Variants in CEP128 observed in about 807,000 individuals in gnomAD.
CEP128 encodes the protein centrosomal protein 128.
CEP128 carries 132 observed loss-of-function variants against 156.7 expected under a neutral mutation model. That is an observed-to-expected ratio of 0.84 (90% CI 0.73 to 0.97). The LOEUF is 0.97. Among genes scored for constraint, CEP128 ranks in the 50% least tolerant of loss-of-function variants. The pLI is 0.00. For synonymous variants in CEP128, 469 were observed against 448.9 expected (o/e 1.04, Z -0.57); for missense variants, 1,252 against 1,281.9 (o/e 0.98, Z 0.36).
Position 80,886,118 on chromosome 14 carries a change from T to C in CEP128, c.645+9600A>G, listed in dbSNP as rs1888786044. 1.3e-5 allele frequency among the ~76,000 whole-genome samples: 2 copies of C among 152,056 alleles called. 1 individual carries two copies. Among genetic ancestry groups the C allele is most frequent in the South Asian group, 4.2e-4 (2 of 4,818 alleles). On this transcript the variant is annotated intron_variant, in intron 8 of 24. Transcript: ENST00000555265. ...AGGAACAAACAAAGCCTCCAAGGAATATGGGACTATGTGAAAAGACCAAAC... is the reference window on the plus strand; with the variant it reads ...AGGAACAAACAAAGCCTCCAAGGAACATGGGACTATGTGAAAAGACCAAAC...
intron 14 of CEP128, among the ~76,000 whole-genome samples, chr14:80,479,660 C>T (rs1324848174): frequency 6.6e-6 from 1 of 152,156 alleles, no homozygotes; most frequent in Non-Finnish European, 1.5e-5. Flanking sequence ...CAAACCGTAT[C>T]ATTCTGCCCC....
chr14:80,584,000 T>A (rs555667037), intron 19 of CEP128, among the ~76,000 whole-genome samples: 38 of 152,320 alleles, frequency 2.5e-4, no homozygotes, highest in African/African-American at 9.1e-4. Context: ...CCTATCATCC[T>A]GCTCTGTCTA....
intron 8 of CEP128, among the ~76,000 whole-genome samples, chr14:80,886,849 G>T (rs554899812): frequency 6.6e-6 from 1 of 152,294 alleles, no homozygotes; most frequent in African/African-American, 2.4e-5. Flanking sequence ...TGGAAAAAGA[G>T]TCAAGACCCA....
chr14:80,580,484 A>G, intron 19 of CEP128, 61 bp from the exon 20 acceptor site: 3 of 843,838 alleles, frequency 3.6e-6, no homozygotes, highest in African/African-American at 1.7e-5. Flanking sequence ...GCCTCTTATC[A>G]TCAAATGCAA....
chr14:80,550,429 T>C (rs1470957230), intron 21 of CEP128, among the ~76,000 whole-genome samples: 1 of 152,072 alleles, frequency 6.6e-6, no homozygotes, highest in East Asian at 1.9e-4. Flanking sequence ...TTGTAAAGAA[T>C]GACATTTTCA....
intron 22 of CEP128, among the ~76,000 whole-genome samples, chr14:80,528,797 G>A (rs553079691): frequency 6.6e-6 from 1 of 152,104 alleles, no homozygotes; most frequent in African/African-American, 2.4e-5. Context: ...ATTTTTGTCT[G>A]GTGCATGACT....
intron 14 of CEP128, among the ~76,000 whole-genome samples, chr14:80,483,646 T>C (rs1012642696): frequency 1.3e-5 from 2 of 152,340 alleles, no homozygotes; most frequent in Middle Eastern, 3.4e-3. Context: ...TAAGGAAAGA[T>C]GGTTGAGAGT....
At chr14:80,788,580 GT>G (rs1273689570) in intron 14 of CEP128, among the ~76,000 whole-genome samples, 1 of 151,972 alleles carries the variant, frequency 6.6e-6, no homozygotes, top group Non-Finnish European at 1.5e-5. Context: ...ACATCCTAAA[GT>G]TTTCCTACCA....
At chr14:80,855,836 C>T (rs970686642) in intron 9 of CEP128, among the ~76,000 whole-genome samples, 6 of 152,208 alleles carry the variant, frequency 3.9e-5, no homozygotes, top group Non-Finnish European at 5.9e-5. Context: ...TCAAGGGAGA[C>T]GCAAAAGCTA....
At chr14:80,740,150 C>T (rs1566887741) in intron 19 of CEP128, among the ~76,000 whole-genome samples, 1 of 151,940 alleles carries the variant, frequency 6.6e-6, no homozygotes, top group East Asian at 1.9e-4. Context: ...AACTGTGCTC[C>T]TTTAGTGTTC....
intron 20 of CEP128, among the ~76,000 whole-genome samples, chr14:80,571,554 A>G (rs1891139813): frequency 6.6e-6 from 1 of 152,236 alleles, no homozygotes; most frequent in Admixed American, 6.5e-5. Context: ...ATTTTTAAAA[A>G]GTAAAATAAT....
intron 14 of CEP128, among the ~76,000 whole-genome samples, chr14:80,786,765 C>T (rs1004003358): frequency 3.3e-5 from 5 of 151,980 alleles, no homozygotes; most frequent in African/African-American, 4.8e-5. Flanking sequence ...AATTTAAGTT[C>T]GAGGAGGTAT....
At chr14:80,757,048 C>T in intron 17 of CEP128, 97 bp from the exon 18 acceptor site, 1 of 781,094 alleles carries the variant, frequency 1.3e-6, no homozygotes, top group South Asian at 2.0e-5. Context: ...AGTTTAGTTC[C>T]CCAATTTAAG....
At chr14:80,645,658 G>T (rs1894603137) in intron 19 of CEP128, among the ~76,000 whole-genome samples, 1 of 152,086 alleles carries the variant, frequency 6.6e-6, no homozygotes. Flanking sequence ...AAGATAGTTT[G>T]TCAGTTTCTT....
Position 80,635,795 on chromosome 14 carries a change from A to G in CEP128, c.2807-55372T>C, listed in dbSNP as rs562426432. Among the ~76,000 whole-genome samples, 12 of 152,306 alleles carry G rather than the reference A, an allele frequency of 7.9e-5. 1 individual carries two copies. In the East Asian group the frequency reaches 1.5e-3, roughly 20 times the overall value. ...CCCTAAAATCTGAACCTTTTTGAAC[A>G]CTGACATGATGCCACAGTGGAAAAT... On this transcript the variant is annotated intron_variant, in intron 19 of 24. Transcript: ENST00000555265.
chr14:80,685,713 T>C (rs915070102), intron 19 of CEP128, among the ~76,000 whole-genome samples: 1 of 152,160 alleles, frequency 6.6e-6, no homozygotes, highest in African/African-American at 2.4e-5. Flanking sequence ...CAAACTATAC[T>C]ATAAGGCTGC....
chr14:80,793,763 C>A (rs1225876959), intron 13 of CEP128, among the ~76,000 whole-genome samples: 49 of 152,120 alleles, frequency 3.2e-4, no homozygotes, highest in Non-Finnish European at 1.5e-5. Context: ...AAGAAAAAAA[C>A]CTTCAGTCTA....
At chr14:80,857,741 A>AAAAAAC (rs1555356493) in intron 9 of CEP128, among the ~76,000 whole-genome samples, 1 of 138,260 alleles carries the variant, frequency 7.2e-6, no homozygotes. Flanking sequence ...TCTCAAAAAA[A>AAAAAAC]AACAACAACA....
intron 11 of CEP128, 93 bp from the exon 12 acceptor site, chr14:80,836,430 T>A: frequency 7.2e-7 from 1 of 1,382,182 alleles, no homozygotes; most frequent in Non-Finnish European, 1.0e-6. Context: ...GAATCCAGGT[T>A]AATCTCCTTC....
Sources: gnomAD v4.1 joint callset for allele counts (sites outside exome capture counted in the v4.1 genomes callset) on GRCh38, gnomAD v4.1.1 for gene constraint, MANE v1.5 for transcripts, NCBI Gene and HGNC (gene_info 2026-07-23, HGNC 2026-07-21) for gene names.